Variants in CLASP1 observed in about 807,000 individuals in gnomAD.
The protein encoded by CLASP1 is CLIP-associating protein 1.
CLASP1 carries 38 observed loss-of-function variants against 192.3 expected under a neutral mutation model. That is an observed-to-expected ratio of 0.20 (90% CI 0.15 to 0.26). The LOEUF (loss-of-function observed/expected upper bound fraction) is 0.26. CLASP1 is among the 10% of genes least tolerant of loss of function. The probability of loss-of-function intolerance (pLI) is 1.00; values close to 1 mark genes in which losing one functional copy is unlikely to be tolerated. For missense variants in CLASP1, 1,433 were observed against 1,932.5 expected (o/e 0.74, Z 4.85); for synonymous variants, 691 against 712.8 (o/e 0.97, Z 0.49).
intron 7 of CLASP1, among the ~76,000 whole-genome samples, chr2:121,507,300 A>C (rs2093972797): frequency 6.6e-6 from 1 of 152,220 alleles, no homozygotes; most frequent in South Asian, 2.1e-4. Context: ...CAATAACTGA[A>C]ATTAAAAATT....
chr2:121,446,561 C>G (rs1318664663), intron 19 of CLASP1, among the ~76,000 whole-genome samples: 2 of 152,142 alleles, frequency 1.3e-5, no homozygotes, highest in Non-Finnish European at 2.9e-5. Context: ...AAAGTAGAAC[C>G]AATCCAGCTA....
At chr2:121,574,667 G>T (rs565537909) in intron 2 of CLASP1, among the ~76,000 whole-genome samples, 10 of 148,902 alleles carry the variant, frequency 6.7e-5, no homozygotes, top group Non-Finnish European at 8.9e-5. Flanking sequence ...AACCGGGTGC[G>T]GTGGCTCACG....
intron 1 of CLASP1, among the ~76,000 whole-genome samples, chr2:121,636,779 A>G (rs957186421): frequency 1.3e-5 from 2 of 152,228 alleles, no homozygotes; most frequent in African/African-American, 4.8e-5. Flanking sequence ...TGTCACACAC[A>G]AAAAAGTCCT....
At chr2:121,503,136 A>G in intron 8 of CLASP1, 31 bp downstream of exon 8, 1 of 1,437,300 alleles carries the variant, frequency 7.0e-7, no homozygotes, top group South Asian at 1.2e-5. Context: ...AAACTGAAAA[A>G]GCAAAAGTAG....
intron 8 of CLASP1, among the ~76,000 whole-genome samples, chr2:121,478,836 AC>A (rs1559367978): frequency 4.4e-4 from 24 of 54,718 alleles, no homozygotes; most frequent in African/African-American, 1.4e-3. Context: ...CACACCACAC[AC>A]CACACACACA....
intron 1 of CLASP1, among the ~76,000 whole-genome samples, chr2:121,625,579 C>T (rs1037752502): frequency 1.3e-5 from 2 of 151,816 alleles, no homozygotes; most frequent in South Asian, 2.1e-4. Context: ...GGATTACAGG[C>T]ACCCGCCACC....
At position 121,530,985 on chromosome 2, in the gene CLASP1, A is replaced by T. The variant is rs983574623; in HGVS notation, c.196-660T>A. 7.1e-6 allele frequency: 5 copies of T among 700,350 alleles called. No individual in the cohort carries two copies. Among genetic ancestry groups the T allele is most frequent in the Admixed American group, 2.0e-5 (1 of 49,998 alleles). 43.4% of individuals were successfully genotyped at this position (700,350 alleles called of 1,614,324 possible). A position where few individuals can be genotyped will look rare whatever the true frequency, so the allele number is the denominator to read the frequency against. Reference sequence around the variant, plus strand: ...CCGCATCAACTAGAGCTTTTGCTTTATTTTGGTGCAATTTTTGGAAAAATG... The same window carrying T: ...CCGCATCAACTAGAGCTTTTGCTTTTTTTTGGTGCAATTTTTGGAAAAATG... On this transcript the variant is annotated intron_variant, in intron 2 of 39. Transcript: ENST00000263710.
intron 2 of CLASP1, among the ~76,000 whole-genome samples, chr2:121,540,033 T>C (rs1232074724): frequency 6.6e-6 from 1 of 152,198 alleles, no homozygotes; most frequent in Non-Finnish European, 1.5e-5. Context: ...ATCAACACTT[T>C]AGAAAACATA....
chr2:121,428,746 G>C (rs1445578575), intron 20 of CLASP1, among the ~76,000 whole-genome samples: 1 of 152,158 alleles, frequency 6.6e-6, no homozygotes. Context: ...AGTAGACAGG[G>C]ATCAAGGAGG....
At chr2:121,383,215 C>T (rs2072205837) in intron 32 of CLASP1, among the ~76,000 whole-genome samples, 1 of 152,194 alleles carries the variant, frequency 6.6e-6, no homozygotes, top group Admixed American at 6.5e-5. Context: ...TGCCAGGGTG[C>T]CTACACAGCA....
chr2:121,353,477 TCCTG>T (rs899355369), intron 37 of CLASP1, among the ~76,000 whole-genome samples: 30 of 152,296 alleles, frequency 2.0e-4, no homozygotes, highest in Admixed American at 9.2e-4. Context: ...CCTAGCTCCT[TCCTG>T]CCTGTGTGGT....
intron 32 of CLASP1, among the ~76,000 whole-genome samples, chr2:121,384,145 TACACACACACACATATATATATATAC>T (rs2072600749): frequency 7.5e-6 from 1 of 133,584 alleles, no homozygotes; most frequent in African/African-American, 2.8e-5. Flanking sequence ...TATATATATA[TACACACACACACATATATATATATAC>T]ACACACACAC....
chr2:121,489,650 C>T (rs2093186919), intron 8 of CLASP1, among the ~76,000 whole-genome samples: 1 of 152,242 alleles, frequency 6.6e-6, no homozygotes, highest in South Asian at 2.1e-4. Context: ...CTTTTAAAAT[C>T]ACTTCGATAT....
intron 37 of CLASP1, among the ~76,000 whole-genome samples, chr2:121,350,952 T>C (rs1362643850): frequency 6.6e-6 from 1 of 152,240 alleles, no homozygotes; most frequent in Non-Finnish European, 1.5e-5. Context: ...CATTACAATA[T>C]AACCTTTGTA....
intron 7 of CLASP1, among the ~76,000 whole-genome samples, chr2:121,511,214 T>C (rs750319052): frequency 5.9e-5 from 9 of 152,210 alleles, no homozygotes; most frequent in Non-Finnish European, 1.0e-4. Context: ...TAATATGAAC[T>C]ATATGTTGTC....
chr2:121,447,351 G>T lies in CLASP1; in HGVS notation c.1898C>A (p.Ser633Ter). Residue 633 changes from serine (S) to a stop codon, truncating the protein, a stop_gained, in exon 19 of 40, where the codon TCA becomes TAA. Transcript: ENST00000263710. LOFTEE classifies it high-confidence loss of function. The stretch of plus-strand genomic sequence containing the variant: ...GGTGTGGTTACCTAAGGATGCGTAT[G>T]ACCCTGGAGGCAAAGCTGCTGCAGA... 1 of 1,591,396 alleles carries T rather than the reference G, an allele frequency of 6.3e-7. No homozygotes were observed. The highest frequency in any genetic ancestry group is 1.2e-5 in the South Asian group (1 of 86,874).
chr2:121,367,079 C>T (rs1558896568), intron 35 of CLASP1, among the ~76,000 whole-genome samples: 4 of 152,196 alleles, frequency 2.6e-5, no homozygotes, highest in South Asian at 2.1e-4. Flanking sequence ...AAATGCAGCA[C>T]GGAGGTCAAC....
chr2:121,610,821 A>AG (rs2065261314), intron 1 of CLASP1, among the ~76,000 whole-genome samples: 3 of 64,506 alleles, frequency 4.7e-5, no homozygotes, highest in African/African-American at 6.9e-5. Flanking sequence ...AGCAGGAGGA[A>AG]GAGTTACAGG....
chr2:121,342,115 TA>T (rs2062851923), intron 39 of CLASP1, among the ~76,000 whole-genome samples: 1 of 151,944 alleles, frequency 6.6e-6, no homozygotes, highest in South Asian at 2.1e-4. Context: ...AAGACATATT[TA>T]AAAAAAGAAT....
Sources: gnomAD v4.1 joint callset for allele counts (sites outside exome capture counted in the v4.1 genomes callset) on GRCh38, gnomAD v4.1.1 for gene constraint, MANE v1.5 for transcripts, NCBI Gene and HGNC (gene_info 2026-07-23, HGNC 2026-07-21) for gene names.